Variants in MACF1 observed in about 807,000 individuals in gnomAD.
The protein encoded by MACF1 is microtubule actin crosslinking factor 1.
In MACF1, 193 loss-of-function variants were observed where a neutral mutation model predicts 854.8. The ratio of observed to expected loss-of-function variants is 0.23; its 90% CI spans 0.20 to 0.25. MACF1 has a LOEUF of 0.25. Among genes scored for constraint, MACF1 ranks in the 10% least tolerant of loss-of-function variants. MACF1 has a pLI of 1.00. For synonymous variants in MACF1, 3,185 were observed against 3,226.7 expected, an observed-to-expected ratio of 0.99 and a Z score of 0.44; for missense variants, 7,722 against 8,929.1, an observed-to-expected ratio of 0.86 and a Z score of 5.45.
intron 6 of MACF1, among the ~76,000 whole-genome samples, chr1:39,276,436 C>A (rs941194143): frequency 2.6e-5 from 4 of 152,150 alleles, no homozygotes; most frequent in African/African-American, 9.7e-5. Context: ...AGATAGATTA[C>A]CAGTTCCTTT....
At chr1:39,189,844 G>A (rs1347295622) in intron 2 of MACF1, among the ~76,000 whole-genome samples, 1 of 152,156 alleles carries the variant, frequency 6.6e-6, no homozygotes, top group African/African-American at 2.4e-5. Flanking sequence ...TAGATTGTAA[G>A]CTCTTAAAGG....
At chr1:39,125,795 C>T (rs965235821) in intron 2 of MACF1, among the ~76,000 whole-genome samples, 5 of 152,140 alleles carry the variant, frequency 3.3e-5, no homozygotes, top group Non-Finnish European at 5.9e-5. Context: ...AGTTGAAGAC[C>T]GGCCTGGCCA....
At chr1:39,206,961 C>T (rs568769504) in intron 1 of MACF1, 4 of 151,230 alleles carry the variant, frequency 2.6e-5, no homozygotes, top group African/African-American at 7.3e-5. Flanking sequence ...ACACAAAGAT[C>T]GCTTCTTCTG....
At chr1:39,135,296 G>T (rs1015268114) in intron 2 of MACF1, among the ~76,000 whole-genome samples, 4 of 152,050 alleles carry the variant, frequency 2.6e-5, no homozygotes, top group Non-Finnish European at 5.9e-5. Context: ...GCCCAGGCTG[G>T]AGTGCAATGG....
intron 58 of MACF1, among the ~76,000 whole-genome samples, chr1:39,392,641 G>A (rs867213061): frequency 6.6e-6 from 1 of 152,180 alleles, no homozygotes; most frequent in Non-Finnish European, 1.5e-5. Flanking sequence ...AGACAGATGA[G>A]TTAGGCCTGT....
At chr1:39,345,583 C>T (rs1354988607) in intron 40 of MACF1, among the ~76,000 whole-genome samples, 1 of 152,178 alleles carries the variant, frequency 6.6e-6, no homozygotes, top group African/African-American at 2.4e-5. Flanking sequence ...TGCACTCCAG[C>T]CTGGGTGACA....
chr1:39,294,237 A>T (rs1409762059), intron 18 of MACF1, among the ~76,000 whole-genome samples: 1 of 152,252 alleles, frequency 6.6e-6, no homozygotes, highest in African/African-American at 2.4e-5. Flanking sequence ...GAAATTTAAC[A>T]TTGGACAATA....
intron 85 of MACF1, 137 bp from the exon 86 acceptor site, chr1:39,452,019 T>G (rs868735963): frequency 1.9e-5 from 14 of 728,148 alleles, no homozygotes; most frequent in Non-Finnish European, 3.1e-5. Context: ...GGTTGTTTTT[T>G]CTTATGCATT....
chr1:39,354,109 A>G (rs1647318058), intron 44 of MACF1, among the ~76,000 whole-genome samples: 1 of 152,046 alleles, frequency 6.6e-6, no homozygotes, highest in Admixed American at 6.5e-5. Flanking sequence ...TAGTCTACTT[A>G]TTTGGCCTTA....
At chr1:39,224,971 G>A (rs1644696848) in intron 1 of MACF1, among the ~76,000 whole-genome samples, 2 of 152,066 alleles carry the variant, frequency 1.3e-5, no homozygotes, top group Non-Finnish European at 2.9e-5. Context: ...GATCACATGA[G>A]GCCAGGAGTT....
intron 1 of MACF1, among the ~76,000 whole-genome samples, chr1:39,209,233 AT>A (rs1172919831): frequency 2.0e-5 from 3 of 152,020 alleles, no homozygotes; most frequent in African/African-American, 7.2e-5. Context: ...AAAAAAAAAA[AT>A]CAGTAAATAT....
At chr1:39,268,704 A>C (rs1389884337) in intron 6 of MACF1, 1 of 1,275,464 alleles carries the variant, frequency 7.8e-7, no homozygotes, top group African/African-American at 1.5e-5. Flanking sequence ...GGAAATGGGA[A>C]ATTCACTGGG....
intron 9 of MACF1, 24 bp from the exon 10 acceptor site, chr1:39,284,042 G>A (rs1557562693): frequency 6.2e-7 from 1 of 1,612,290 alleles, no homozygotes; most frequent in Non-Finnish European, 8.5e-7. Context: ...AATCAGGTGT[G>A]TGATGTTTAC....
At chr1:39,136,716 TA>T (rs1643179843) in intron 2 of MACF1, among the ~76,000 whole-genome samples, 1 of 152,188 alleles carries the variant, frequency 6.6e-6, no homozygotes, top group African/African-American at 2.4e-5. Flanking sequence ...AATTCTATAT[TA>T]AATTAATAAA....
Position 39,428,004 on chromosome 1 carries a change from A to G in MACF1, c.16520A>G (p.Gln5507Arg), listed in dbSNP as rs202165997. The change falls in exon 63 of 101, where the codon CAG becomes CGG. Residue 5507 changes from glutamine to arginine, a missense_variant. By Grantham distance (43) the Gln-to-Arg change is conservative. This residue lies in a region of MACF1 where 2,807 missense variants were observed against 3,235.8 expected (regional missense o/e 0.87). Coordinates refer to ENST00000564288, the MANE Select transcript of MACF1 (RefSeq NM_001394062.1). ...DIENHATDVH[Q>R]AVKIGQSLSS... ...GAAAACCATGCAACAGATGTGCACC[A>G]GGCAGTCAAAATTGGGCAGTCCCTC... 410 of 1,614,218 alleles carry G rather than the reference A, an allele frequency of 2.5e-4. 1 individual carries two copies. Among genetic ancestry groups the G allele is most frequent in the Non-Finnish European group, 1.1e-4 (132 of 1,180,026 alleles).
intron 2 of MACF1, among the ~76,000 whole-genome samples, chr1:39,232,761 T>TTTTG (rs1644797059): frequency 2.9e-5 from 4 of 139,794 alleles, no homozygotes; most frequent in Non-Finnish European, 6.2e-5. Flanking sequence ...TTTTTTTTTT[T>TTTTG]TTTTTTTGTT....
At chr1:39,120,912 A>G (rs1240436265) in intron 2 of MACF1, 1 of 152,362 alleles carries the variant, frequency 6.6e-6, no homozygotes, top group Non-Finnish European at 1.5e-5. Flanking sequence ...GTGCTATCAA[A>G]TAGTAGGTCT....
In MACF1 at chr1:39,331,059, T is replaced by C. The variant is rs558242680; in HGVS notation, c.4615-144T>C. The C allele has an allele frequency of 7.3e-6, 9 of 1,228,158 alleles. No individual in the cohort carries two copies. In the South Asian group the frequency reaches 1.1e-4, roughly 15 times the overall value. The allele number at this position is 1,228,158 out of a possible 1,614,324, so 76.1% of individuals were successfully genotyped here. A position where few individuals can be genotyped will look rare whatever the true frequency, so the allele number is the denominator to read the frequency against. ...CATGATTTGCCTGCCTTGGGCAGAT[T>C]ATAGGCGTGAGCCACTGTGCCTGGC... On this transcript the variant is annotated intron_variant, in intron 36 of 100. Transcript: ENST00000564288.
intron 6 of MACF1, among the ~76,000 whole-genome samples, chr1:39,262,969 C>T (rs922807625): frequency 9.4e-6 from 1 of 106,328 alleles, no homozygotes; most frequent in African/African-American, 3.8e-5. Context: ...ATGTGGAGTG[C>T]CCCCCCACCC....
Sources: allele counts gnomAD v4.1 joint callset (sites outside exome capture counted in the v4.1 genomes callset), GRCh38; gene constraint gnomAD v4.1.1; regional missense constraint gnomAD v4.1.1; transcripts MANE v1.5; gene names NCBI Gene and HGNC (gene_info 2026-07-23, HGNC 2026-07-21).